RABEP1: variants seen among roughly 807,000 people sequenced by gnomAD.
RABEP1 encodes the protein rabaptin, RAB GTPase binding effector protein 1.
Under a neutral mutation model 123.4 loss-of-function variants are expected in RABEP1, and 51 were observed. The ratio of observed to expected loss-of-function variants is 0.41; its 90% CI spans 0.33 to 0.52. The LOEUF (loss-of-function observed/expected upper bound fraction) is 0.52. Among genes scored for constraint, RABEP1 ranks in the 20% least tolerant of loss-of-function variants. The pLI, the probability that RABEP1 is intolerant of heterozygous loss-of-function variation, is 0.16. For synonymous variants in RABEP1, 347 were observed against 355.2 expected, an observed-to-expected ratio of 0.98 and a Z score of 0.26; for missense variants, 888 against 996.3, an observed-to-expected ratio of 0.89 and a Z score of 1.46.
chr17:5,386,169 G>C lies in RABEP1; in HGVS notation c.*2946G>C, dbSNP rs372814343. On this transcript the variant is annotated 3_prime_UTR_variant, in exon 18 of 18. Transcript: ENST00000537505. ...TACAATATGGGTTTAAGCCTTCAAT[G>C]GTGTTCAGTTCAGGTGTGAGTCAGC... The C allele has an allele frequency of 2.6e-6, 4 of 1,512,538 alleles. No individual in the cohort carries two copies. The African/African-American group carries it at 4.2e-5, about 16-fold the overall frequency. 93.7% of individuals were successfully genotyped at this position (1,512,538 alleles called of 1,614,324 possible). A position where few individuals can be genotyped will look rare whatever the true frequency, so the allele number is the denominator to read the frequency against.
intron 6 of RABEP1, 118 bp from the exon 7 acceptor site, chr17:5,350,333 T>C (rs1237318635): frequency 3.7e-6 from 4 of 1,083,096 alleles, no homozygotes; most frequent in Non-Finnish European, 5.2e-6. Flanking sequence ...TGAGCCAAGA[T>C]TGCACCACTG....
chr17:5,359,074 TTTTC>T lies in RABEP1; in HGVS notation c.1096-2130_1096-2127del, dbSNP rs1188799946. On this transcript the variant is annotated intron_variant, in intron 8 of 17. Coordinates refer to ENST00000537505, the MANE Select transcript of RABEP1 (RefSeq NM_004703.6). ...ACTGCGCCAGGCCTGTAGTCTGATG[TTTTC>T]TTTTTTTTTTTTTGAGACGGAGTCT... 2.6e-4 allele frequency among the ~76,000 whole-genome samples: 33 copies of T among 127,934 alleles called. 1 individual carries two copies. The highest frequency in any genetic ancestry group is 2.4e-3 in the Admixed American group (33 of 13,662). 83.9% of individuals were successfully genotyped at this position (127,934 alleles called of 152,430 possible). A position where few individuals can be genotyped will look rare whatever the true frequency, so the allele number is the denominator to read the frequency against.
At chr17:5,378,121 A>C in intron 14 of RABEP1, 56 bp from the exon 15 acceptor site, 1 of 1,396,672 alleles carries the variant, frequency 7.2e-7, no homozygotes, top group East Asian at 2.3e-5. Context: ...TAAAGAAAAA[A>C]ATGTTCATGC....
At position 5,383,301 on chromosome 17, in the gene RABEP1, CTT is replaced by C; in HGVS notation, c.*79_*80del. The C allele has an allele frequency of 8.8e-7, 1 of 1,134,846 alleles. No homozygotes were observed. Among genetic ancestry groups the C allele is most frequent in the South Asian group, 1.3e-5 (1 of 77,490 alleles). 70.3% of individuals were successfully genotyped at this position (1,134,846 alleles called of 1,614,324 possible). On this transcript the variant is annotated 3_prime_UTR_variant, in exon 18 of 18. Coordinates refer to ENST00000537505, the MANE Select transcript of RABEP1 (RefSeq NM_004703.6). The stretch of plus-strand genomic sequence containing the variant: ...GAGCAACAGTAATTATTATTTAACT[CTT>C]AACTGAAGAAAGAGAAGTCACAACA...
In RABEP1 at chr17:5,381,486, A is replaced by G; in HGVS notation, c.2468A>G (p.Lys823Arg). Residue 823 changes from lysine (K) to arginine (R), a missense_variant, in exon 17 of 18, where the codon AAG becomes AGG. Transcript: ENST00000537505. ...GAGCAAGTCCAGAGGGATTTTGTAA[A>G]GCTTTCACAGACCCTTCAGGTGAGG... ...VSEQVQRDFV[K>R]LSQTLQVQLE... 6.2e-7 allele frequency: 1 copy of G among 1,613,548 alleles called. No individual in the cohort carries two copies. The highest frequency in any genetic ancestry group is 8.5e-7 in the Non-Finnish European group (1 of 1,179,726).
intron 6 of RABEP1, among the ~76,000 whole-genome samples, chr17:5,348,047 G>A (rs1385604671): frequency 1.3e-5 from 2 of 151,668 alleles, no homozygotes; most frequent in African/African-American, 2.4e-5. Flanking sequence ...GTGTGATCTC[G>A]GCTCACTGCA....
At chr17:5,287,258 C>T (rs887918907) in intron 1 of RABEP1, among the ~76,000 whole-genome samples, 1 of 152,104 alleles carries the variant, frequency 6.6e-6, no homozygotes, top group Non-Finnish European at 1.5e-5. Context: ...AAAAAAATCA[C>T]TCTGGGCCAA....
intron 12 of RABEP1, among the ~76,000 whole-genome samples, chr17:5,369,881 G>A (rs563111986): frequency 9.3e-4 from 142 of 152,112 alleles, no homozygotes; most frequent in African/African-American, 3.3e-3. Flanking sequence ...TGTATTTTTA[G>A]TAGAGACGGG....
chr17:5,293,754 A>G (rs1055234387), intron 1 of RABEP1, among the ~76,000 whole-genome samples: 1 of 152,186 alleles, frequency 6.6e-6, no homozygotes, highest in Non-Finnish European at 1.5e-5. Context: ...CACTTGGACA[A>G]ACTTATTGGT....
chr17:5,307,605 T>C (rs1304394557), intron 1 of RABEP1, among the ~76,000 whole-genome samples: 1 of 152,190 alleles, frequency 6.6e-6, no homozygotes, highest in Non-Finnish European at 1.5e-5. Context: ...ATTATGGTCA[T>C]AGCTTTAAGG....
intron 2 of RABEP1, among the ~76,000 whole-genome samples, chr17:5,310,833 C>T (rs1033145254): frequency 2.5e-4 from 37 of 148,140 alleles, no homozygotes; most frequent in African/African-American, 8.0e-4. Context: ...TTTTTGAGAC[C>T]GAGTCTCGCT....
intron 2 of RABEP1, among the ~76,000 whole-genome samples, chr17:5,327,359 A>C (rs543576961): frequency 2.6e-4 from 39 of 152,130 alleles, no homozygotes; most frequent in Non-Finnish European, 2.8e-4. Context: ...AAAAAAAAAA[A>C]AAACCCCAAA....
Position 5,377,161 on chromosome 17 carries a change from G to A in RABEP1, c.2071G>A (p.Val691Met), listed in dbSNP as rs771522573. The change falls in exon 14 of 18, where the codon GTG (valine) becomes ATG (methionine). Residue 691 changes from valine to methionine, a missense_variant. Transcript: ENST00000537505. ...VLKYREDIIN[V>M]RTAADHVEEK... ...AAAATACCGTGAGGACATCATTAAT[G>A]TGCGGACAGCAGCAGACCACGTAGA... 6.2e-7 allele frequency: 1 copy of A among 1,609,976 alleles called. No individual in the cohort carries two copies. The highest frequency in any genetic ancestry group is 1.3e-5 in the African/African-American group (1 of 74,634).
chr17:5,346,162 C>G (rs1908043952), intron 5 of RABEP1, among the ~76,000 whole-genome samples: 1 of 152,096 alleles, frequency 6.6e-6, no homozygotes, highest in Non-Finnish European at 1.5e-5. Flanking sequence ...CCTTTGCCTC[C>G]CAAAGTGCTA....
chr17:5,345,366 T>G (rs1341247000), intron 5 of RABEP1, among the ~76,000 whole-genome samples: 1 of 152,238 alleles, frequency 6.6e-6, no homozygotes, highest in Non-Finnish European at 1.5e-5. Context: ...TTTTTGTAGA[T>G]GTCCATTTGT....
intron 12 of RABEP1, among the ~76,000 whole-genome samples, chr17:5,372,633 T>C (rs2144710833): frequency 6.6e-6 from 1 of 152,312 alleles, no homozygotes; most frequent in East Asian, 1.9e-4. Flanking sequence ...GTGCACGCCA[T>C]GGGGAAATGG....
At chr17:5,337,920 G>A in intron 4 of RABEP1, 99 bp from the exon 5 acceptor site, 19 of 1,337,752 alleles carry the variant, frequency 1.4e-5, no homozygotes, top group Non-Finnish European at 1.9e-5. Context: ...GTCTGGTCAA[G>A]TTACTTGTTA....
Position 5,380,376 on chromosome 17 carries a change from T to A in RABEP1, c.2284T>A (p.Leu762Ile). The change falls in exon 16 of 18, where the codon TTA becomes ATA. Residue 762 changes from leucine (L) to isoleucine (I), a missense_variant. Coordinates refer to ENST00000537505, the MANE Select transcript of RABEP1 (RefSeq NM_004703.6). Reference protein sequence around the residue: ...KVEKGQLESTLREKSQQLESL... With the variant: ...KVEKGQLESTIREKSQQLESL... ...TCCTTTTTCACAGTTGGAGTCCACATTAAGAGAGAAGTCTCAACAGCTTGA... is the reference window on the plus strand; with the variant it reads ...TCCTTTTTCACAGTTGGAGTCCACAATAAGAGAGAAGTCTCAACAGCTTGA... 6.4e-7 allele frequency: 1 copy of A among 1,566,618 alleles called. No homozygotes were observed. Among genetic ancestry groups the A allele is most frequent in the Non-Finnish European group, 8.7e-7 (1 of 1,154,016 alleles).
In RABEP1 at chr17:5,384,812, G is replaced by T. The variant is rs1024875696; in HGVS notation, c.*1589G>T. On this transcript the variant is annotated 3_prime_UTR_variant, in exon 18 of 18. Coordinates refer to ENST00000537505, the MANE Select transcript of RABEP1 (RefSeq NM_004703.6). ...TTTATAAAGAGTGCTACATGGTTTA[G>T]ATAAAGGAAACATATAACTATTGAG... The T allele has an allele frequency of 1.2e-4, 27 of 216,532 alleles. No homozygotes were observed. Among genetic ancestry groups the T allele is most frequent in the Non-Finnish European group, 1.9e-5 (2 of 108,038 alleles). The allele number at this position is 216,532 out of a possible 1,614,324, so 13.4% of individuals were successfully genotyped here.
Sources: allele counts gnomAD v4.1 joint callset (sites outside exome capture counted in the v4.1 genomes callset), GRCh38; gene constraint gnomAD v4.1.1; transcripts MANE v1.5; gene names NCBI Gene and HGNC (gene_info 2026-07-23, HGNC 2026-07-21).